The following PAX2 variants were observed in gnomAD, a reference collection of about 807,000 sequenced individuals.
The protein encoded by PAX2 is paired box 2.
In PAX2, 9 loss-of-function variants were observed where a neutral mutation model predicts 41.7. The observed-to-expected ratio is 0.22, with a 90% CI of 0.13 to 0.38. PAX2 has a LOEUF of 0.38. Among genes scored for constraint, PAX2 ranks in the 10% least tolerant of loss-of-function variants. The pLI, the probability that PAX2 is intolerant of heterozygous loss-of-function variation, is 1.00. For missense variants in PAX2, 418 were observed against 531.6 expected, an observed-to-expected ratio of 0.79 and a Z score of 2.10; for synonymous variants, 221 against 212.7, an observed-to-expected ratio of 1.04 and a Z score of -0.34.
intron 5 of PAX2, among the ~76,000 whole-genome samples, chr10:100,790,573 C>T (rs759594111): frequency 2.0e-5 from 3 of 152,224 alleles, no homozygotes; most frequent in African/African-American, 4.8e-5. Flanking sequence ...AAGCTATCCC[C>T]GGGCCCTGCT....
chr10:100,739,014 GACACAC>G (rs61617727), intron 1 of PAX2, among the ~76,000 whole-genome samples: 255 of 138,342 alleles, frequency 1.8e-3, no homozygotes, highest in African/African-American at 5.3e-3. Flanking sequence ...CGCGCACGCG[GACACAC>G]ACACACACAC....
chr10:100,796,356 A>C (rs568080741), intron 5 of PAX2, among the ~76,000 whole-genome samples: 1 of 152,260 alleles, frequency 6.6e-6, no homozygotes, highest in Admixed American at 6.5e-5. Flanking sequence ...ATATAGGACC[A>C]TTTTCACATA....
At chr10:100,749,293 G>A (rs1845340314) in intron 1 of PAX2, 2 of 997,606 alleles carry the variant, frequency 2.0e-6, no homozygotes, top group Admixed American at 1.2e-4. Context: ...CCCCCAAATC[G>A]TCCGCCTCCA....
chr10:100,797,211 A>G (rs1248695533), intron 5 of PAX2, among the ~76,000 whole-genome samples: 1 of 152,256 alleles, frequency 6.6e-6, no homozygotes, highest in African/African-American at 2.4e-5. Flanking sequence ...CACAGTTCAG[A>G]GGAGAAAACA....
At chr10:100,821,822 C>A (rs1167753096) in intron 7 of PAX2, among the ~76,000 whole-genome samples, 1 of 152,218 alleles carries the variant, frequency 6.6e-6, no homozygotes, top group African/African-American at 2.4e-5. Context: ...AAGAGGCACA[C>A]CCCTTTTCCT....
At chr10:100,740,623 C>T (rs1055118532), upstream of PAX2, among the ~76,000 whole-genome samples, 1 of 152,196 alleles carries the variant, frequency 6.6e-6, no homozygotes, top group Non-Finnish European at 1.5e-5. Context: ...TCTGGGTTTG[C>T]AAAATGCCTA....
chr10:100,736,432 C>T (rs1299239446), intron 1 of PAX2, among the ~76,000 whole-genome samples: 1 of 152,152 alleles, frequency 6.6e-6, no homozygotes, highest in Non-Finnish European at 1.5e-5. Flanking sequence ...TGTTGTACAG[C>T]GGTGGGAAGC....
intron 5 of PAX2, among the ~76,000 whole-genome samples, chr10:100,798,692 T>C (rs1031569356): frequency 2.6e-5 from 4 of 152,074 alleles, no homozygotes; most frequent in African/African-American, 9.7e-5. Context: ...TCTTCATTCC[T>C]GAACACTCCT....
In PAX2 at chr10:100,748,242, G is replaced by A. The variant is rs1845278395; in HGVS notation, c.44-1504G>A. On this transcript the variant is annotated intron_variant, in intron 1 of 9. Coordinates refer to ENST00000355243, the MANE Select transcript of PAX2 (RefSeq NM_000278.5). The surrounding 1 kb of genome is among the most constrained non-coding windows in gnomAD (Gnocchi z 5.0). ...GCTGCCGCCTTTTCATACCGGTAAC[G>A]CGAGTTCTCCCGGGGCCTAAATTAT... The A allele has an allele frequency of 1.0e-6, 1 of 985,174 alleles. No homozygotes were observed. Among genetic ancestry groups the A allele is most frequent in the Non-Finnish European group, 1.2e-6 (1 of 829,890 alleles). The allele number at this position is 985,174 out of a possible 1,614,324, so 61.0% of individuals were successfully genotyped here. A position where few individuals can be genotyped will look rare whatever the true frequency, so the allele number is the denominator to read the frequency against.
intron 3 of PAX2, among the ~76,000 whole-genome samples, chr10:100,762,000 TTAATATCACCACAAGCCTCC>T (rs1202607186): frequency 1.9e-4 from 29 of 152,318 alleles, no homozygotes; most frequent in Admixed American, 1.0e-3. Flanking sequence ...ATCTTACTTG[TTAATATCACCACAAGCCTCC>T]TCTGAAGCTA....
At chr10:100,769,669 TAAAAA>T (rs1009617472) in intron 3 of PAX2, among the ~76,000 whole-genome samples, 2 of 143,180 alleles carry the variant, frequency 1.4e-5, no homozygotes, top group South Asian at 2.3e-4. Flanking sequence ...TAAAATAAAA[TAAAAA>T]AATAAAAAAC....
chr10:100,809,095 TC>T lies in PAX2; in HGVS notation c.793-14del. On this transcript the variant is annotated splice_polypyrimidine_tract_variant and intron_variant, in intron 6 of 9. Coordinates refer to ENST00000355243, the MANE Select transcript of PAX2 (RefSeq NM_000278.5). ...TGCATCAATAGAGAGCTGTCACTTT[TC>T]TCTCTCCTCCCAGGGGAACGAGTAC... 1 of 1,612,038 alleles carries T rather than the reference TC, an allele frequency of 6.2e-7. No homozygotes were observed. Among genetic ancestry groups the T allele is most frequent in the Non-Finnish European group, 8.5e-7 (1 of 1,178,400 alleles).
chr10:100,784,103 A>T (rs572549489), intron 5 of PAX2, among the ~76,000 whole-genome samples: 2 of 151,870 alleles, frequency 1.3e-5, no homozygotes, highest in East Asian at 3.9e-4. Context: ...CCTTTCCCCC[A>T]CTCTGGATGC....
Position 100,750,742 on chromosome 10 carries a change from G to A in PAX2, c.261G>A (p.Lys87=). The A allele has an allele frequency of 6.2e-7, 1 of 1,614,238 alleles. No homozygotes were observed. The highest frequency in any genetic ancestry group is 8.5e-7 in the Non-Finnish European group (1 of 1,180,034). ...SIKPGVIGGS[K]PKVATPKVVD... ...AGCCGGGTGTGATCGGTGGCTCCAA[G>A]CCCAAAGTGGCGACGCCCAAAGTGG... Residue 87 remains lysine (K), a synonymous_variant, in exon 3 of 10, where the codon AAG becomes AAA. Transcript: ENST00000355243. This position sits in a 1 kb window ranked among gnomAD's most constrained non-coding sequence, Gnocchi z 4.1.
At chr10:100,798,496 G>C (rs1316770377) in intron 5 of PAX2, among the ~76,000 whole-genome samples, 2 of 152,058 alleles carry the variant, frequency 1.3e-5, no homozygotes, top group African/African-American at 4.8e-5. Context: ...AAAGATGGGA[G>C]GCAATGGGGC....
chr10:100,776,611 C>G (rs1253638892), intron 3 of PAX2, among the ~76,000 whole-genome samples: 1 of 152,196 alleles, frequency 6.6e-6, no homozygotes, highest in Non-Finnish European at 1.5e-5. Context: ...CCCTGACAGT[C>G]TCCTAAATCC....
chr10:100,810,644 A>G (rs890524818), intron 7 of PAX2, among the ~76,000 whole-genome samples: 1 of 152,234 alleles, frequency 6.6e-6, no homozygotes. Context: ...TCAGAAGTAC[A>G]GTGGTCACTT....
rs143279853 is a variant in PAX2, at chr10:100,770,201, A to C, written c.411-9297A>C. On this transcript the variant is annotated intron_variant, in intron 3 of 9. Coordinates refer to ENST00000355243, the MANE Select transcript of PAX2 (RefSeq NM_000278.5). Reference sequence around the variant, plus strand: ...CATGTGACTGCAGAGGGAGGTGAGCATGCCTGTGGTGGGACAGGGTTGGGG... The same window carrying C: ...CATGTGACTGCAGAGGGAGGTGAGCCTGCCTGTGGTGGGACAGGGTTGGGG... Among the ~76,000 whole-genome samples, 772 of 152,308 alleles carry C rather than the reference A, an allele frequency of 5.1e-3. 10 individuals are homozygous for C. The highest frequency in any genetic ancestry group is 0.018 in the African/African-American group (740 of 41,560).
chr10:100,810,361 C>A (rs552389835), intron 7 of PAX2, among the ~76,000 whole-genome samples: 2 of 152,304 alleles, frequency 1.3e-5, no homozygotes, highest in Non-Finnish European at 2.9e-5. Flanking sequence ...GTTTTCCCAG[C>A]CTCTCCCTAA....
Sources: gnomAD v4.1 joint callset for allele counts (sites outside exome capture counted in the v4.1 genomes callset) on GRCh38, gnomAD v4.1.1 for gene constraint, Gnocchi (gnomAD v3.1) non-coding constraint, MANE v1.5 for transcripts, NCBI Gene and HGNC (gene_info 2026-07-23, HGNC 2026-07-21) for gene names.